Variants in RGS12 observed in about 807,000 individuals in gnomAD.
RGS12 encodes the protein regulator of G protein signaling 12.
RGS12 carries 66 observed loss-of-function variants against 120.1 expected under a neutral mutation model. The ratio of observed to expected loss-of-function variants is 0.55; its 90% CI spans 0.45 to 0.67. RGS12 has a LOEUF of 0.67. Ranked by LOEUF, RGS12 falls within the 30% of genes least tolerant of loss-of-function variation. The pLI is 0.00. For missense variants in RGS12, 1,859 were observed against 1,957.7 expected, an observed-to-expected ratio of 0.95 and a Z score of 0.95; for synonymous variants, 827 against 804.7, an observed-to-expected ratio of 1.03 and a Z score of -0.47.
chr4:3,354,549 C>T (rs1578800842), intron 3 of RGS12, among the ~76,000 whole-genome samples: 2 of 152,316 alleles, frequency 1.3e-5, no homozygotes, highest in South Asian at 4.1e-4. Flanking sequence ...AATATTCAAG[C>T]CTGTCCTGCA....
At chr4:3,298,549 C>T (rs1354533123) in intron 1 of RGS12, among the ~76,000 whole-genome samples, 4 of 152,122 alleles carry the variant, frequency 2.6e-5, no homozygotes, top group Non-Finnish European at 5.9e-5. Flanking sequence ...TTCATAGTCT[C>T]GTCATGTTGC....
chr4:3,435,037 T>C (rs1010615725), intron 17 of RGS12, among the ~76,000 whole-genome samples: 6 of 151,916 alleles, frequency 3.9e-5, no homozygotes, highest in Non-Finnish European at 5.9e-5. Flanking sequence ...CCCGCATAGC[T>C]CTCCTGGGGC....
At chr4:3,294,825 G>C (rs988158253) in intron 1 of RGS12, among the ~76,000 whole-genome samples, 3 of 152,230 alleles carry the variant, frequency 2.0e-5, no homozygotes, top group African/African-American at 7.2e-5. Context: ...AGGGAGGAGC[G>C]ACAGGGCAGT....
At chr4:3,291,346 CTCTTT>C (rs1560629472), upstream of RGS12, among the ~76,000 whole-genome samples, 1 of 105,892 alleles carries the variant, frequency 9.4e-6, no homozygotes. Flanking sequence ...TCTTTCCTGG[CTCTTT>C]TTTTTTTTTT....
At chr4:3,436,571 G>A (rs1724824958) in intron 17 of RGS12, among the ~76,000 whole-genome samples, 1 of 152,188 alleles carries the variant, frequency 6.6e-6, no homozygotes, top group Non-Finnish European at 1.5e-5. Context: ...TTCAGGCCAT[G>A]CCCCTGCCCC....
intron 14 of RGS12, 79 bp downstream of exon 14, chr4:3,425,639 G>T: frequency 9.5e-7 from 1 of 1,053,632 alleles, no homozygotes; most frequent in Non-Finnish European, 1.4e-6. Flanking sequence ...GCCGGTGCAG[G>T]GGAGGGGGTG....
chr4:3,414,753 A>T lies in RGS12; in HGVS notation c.2192A>T (p.Asp731Val), dbSNP rs1273666720. 1.2e-6 allele frequency: 2 copies of T among 1,603,298 alleles called. No homozygotes were observed. Among genetic ancestry groups the T allele is most frequent in the South Asian group, 2.2e-5 (2 of 90,852 alleles). Residue 731 changes from aspartate (D) to valine (V), a missense_variant and splice_region_variant, in exon 6 of 18, where the codon GAT becomes GTT. Physicochemically the swap from Asp to Val is radical, Grantham distance 152. Transcript: ENST00000336727. ...AAATGGTGTCTTTGTCTTTCTTAGG[A>T]TTTTCTAAGGAAAGAATTCAGTGAA... ...QDPVGVRYFS[D>V]FLRKEFSEEN...
chr4:3,362,822 AGT>A (rs754521582), intron 3 of RGS12, among the ~76,000 whole-genome samples: 10 of 133,766 alleles, frequency 7.5e-5, no homozygotes, highest in Non-Finnish European at 1.1e-4. Flanking sequence ...AGGGTGTGTC[AGT>A]GTGTTTGAGT....
intron 8 of RGS12, 61 bp from the exon 9 acceptor site, chr4:3,417,327 A>C: frequency 1.5e-5 from 22 of 1,507,542 alleles, no homozygotes; most frequent in Admixed American, 4.3e-5. Flanking sequence ...CCTCCTTTGC[A>C]CTTAACGTAA....
At chr4:3,399,921 C>A in intron 4 of RGS12, among the ~76,000 whole-genome samples, 1 of 152,228 alleles carries the variant, frequency 6.6e-6, no homozygotes, top group Admixed American at 6.5e-5. Flanking sequence ...CTAAATGGGG[C>A]ACTGCAGGCC....
In RGS12 at chr4:3,430,959, C is replaced by T. The variant is rs765379992; in HGVS notation, c.4114+4C>T. The T allele has an allele frequency of 5.0e-6, 8 of 1,611,892 alleles. No individual in the cohort carries two copies. On this transcript the variant is annotated splice_donor_region_variant and intron_variant, in intron 17 of 17. Transcript: ENST00000336727. ...GTGCCAGGACCTTCCAGACCAGGTA[C>T]CTCCAGGTTCTGATCCCTCCACCTT... is the stretch of plus-strand genomic sequence containing the variant.
At position 3,423,573 on chromosome 4, in the gene RGS12, G is replaced by A. The variant is rs73193395; in HGVS notation, c.3166G>A (p.Val1056Ile). 2.3e-4 allele frequency: 370 copies of A among 1,612,830 alleles called. No homozygotes were observed. Among genetic ancestry groups the A allele is most frequent in the Non-Finnish European group, 2.9e-4 (338 of 1,179,948 alleles). ...VGLKAKPTKP[V>I]TEVLRPVVAR... ...ACTCAAGGCCAAGCCCACCAAGCCC[G>A]TCACGGAGGTGCTGCGGCCCGTGGT... The change falls in exon 13 of 18, where the codon GTC becomes ATC. Residue 1056 changes from valine (V) to isoleucine (I), a missense_variant. Val to Ile is a conservative substitution (Grantham distance 29). Around this residue, in one of 3 missense-constraint regions of RGS12, gnomAD observed 375 missense variants for 475.0 expected, o/e 0.79. Transcript: ENST00000336727.
intron 3 of RGS12, among the ~76,000 whole-genome samples, chr4:3,369,291 T>G (rs1217713833): frequency 2.0e-5 from 3 of 152,246 alleles, no homozygotes; most frequent in Non-Finnish European, 4.4e-5. Flanking sequence ...TGTGCATTTC[T>G]GAAACGAAGT....
intron 3 of RGS12, among the ~76,000 whole-genome samples, chr4:3,368,394 TG>T (rs1437669864): frequency 2.8e-5 from 4 of 140,492 alleles, no homozygotes; most frequent in Non-Finnish European, 6.2e-5. Flanking sequence ...TGCCTGTGTG[TG>T]TGGGGTGCCT....
chr4:3,385,759 C>G (rs1718775314), intron 3 of RGS12: 1 of 153,518 alleles, frequency 6.5e-6, no homozygotes, highest in African/African-American at 2.4e-5. Flanking sequence ...GTTCCAAGCC[C>G]CTTCCTCGGA....
chr4:3,414,005 G>T, intron 4 of RGS12, 67 bp from the exon 5 acceptor site: 14 of 1,451,862 alleles, frequency 9.6e-6, no homozygotes, highest in Non-Finnish European at 1.3e-5. Context: ...TCCTGTGGGC[G>T]GGCAGAGCAG....
At chr4:3,342,382 C>G in intron 2 of RGS12, 1 of 1,225,348 alleles carries the variant, frequency 8.2e-7, no homozygotes, top group Non-Finnish European at 1.0e-6. Context: ...TGGTCATTTC[C>G]TGGAGGAGGA....
chr4:3,411,441 T>C (rs1488537407), intron 4 of RGS12, among the ~76,000 whole-genome samples: 1 of 152,254 alleles, frequency 6.6e-6, no homozygotes, highest in African/African-American at 2.4e-5. Context: ...TCTGTGTGTG[T>C]TCTCGTGTTA....
intron 2 of RGS12, chr4:3,323,882 A>G (rs1029934127): frequency 6.8e-6 from 1 of 146,514 alleles, no homozygotes; most frequent in Middle Eastern, 3.6e-3. Flanking sequence ...TGAGAGAGAG[A>G]GAGAGAGAGA....
Sources: allele counts gnomAD v4.1 joint callset (sites outside exome capture counted in the v4.1 genomes callset), GRCh38; gene constraint gnomAD v4.1.1; regional missense constraint gnomAD v4.1.1; transcripts MANE v1.5; gene names NCBI Gene and HGNC (gene_info 2026-07-23, HGNC 2026-07-21).